Variants in NOL4L observed in about 807,000 individuals in gnomAD.
NOL4L encodes the protein nucleolar protein 4-like.
Under a neutral mutation model 64.5 loss-of-function variants are expected in NOL4L, and 7 were observed. The ratio of observed to expected loss-of-function variants is 0.11; its 90% CI spans 0.06 to 0.20. The LOEUF (loss-of-function observed/expected upper bound fraction) is 0.20, where lower values mean the gene tolerates loss of function less well. NOL4L is among the 10% of genes least tolerant of loss of function. NOL4L has a pLI of 1.00. For missense variants in NOL4L, 680 were observed against 967.1 expected (o/e 0.70, Z 3.94); for synonymous variants, 413 against 401.0 (o/e 1.03, Z -0.36).
At chr20:32,511,833 C>T (rs370883242) in intron 3 of NOL4L, among the ~76,000 whole-genome samples, 1 of 152,008 alleles carries the variant, frequency 6.6e-6, no homozygotes, top group Non-Finnish European at 1.5e-5. Context: ...AGGGAGATCT[C>T]GTCTTTACAA....
rs546548598 is a variant in NOL4L at position 32,464,475 on chromosome 20, G to C, written c.842-8080C>G. ...CCCTGTGGTTCACACAGCCTGGCCC[G>C]GCCCCAGCCACGGAGCAGGGAGCCC... On this transcript the variant is annotated intron_variant, in intron 5 of 10. Transcript: ENST00000621426. This position sits in a 1 kb window ranked among gnomAD's most constrained non-coding sequence, Gnocchi z 5.6. 2.0e-5 allele frequency among the ~76,000 whole-genome samples: 3 copies of C among 152,204 alleles called. No homozygotes were observed. Among genetic ancestry groups the C allele is most frequent in the Admixed American group, 6.5e-5 (1 of 15,292 alleles).
rs1231267861 is a variant in NOL4L, at chr20:32,494,279, AAAAC to A, written c.699+17064_699+17067del. Among the ~76,000 whole-genome samples the A allele has an allele frequency of 1.3e-3, 102 of 78,530 alleles. 11 individuals are homozygous for A. Among genetic ancestry groups the A allele is most frequent in the African/African-American group, 4.2e-3 (87 of 20,688 alleles). The allele number at this position is 78,530 out of a possible 152,430, so 51.5% of individuals were successfully genotyped here. On this transcript the variant is annotated intron_variant, in intron 4 of 10. Coordinates refer to ENST00000621426, the MANE Select transcript of NOL4L (RefSeq NM_001256798.2). ...AAAAAAAAAAAAAAAAAAAAAAAAA[AAAAC>A]ACACAACACACACACACACACAAAC...
intron 1 of NOL4L, among the ~76,000 whole-genome samples, chr20:32,562,887 C>T (rs199928053): frequency 9.0e-6 from 1 of 110,712 alleles, no homozygotes. Context: ...CTAAGGAGGG[C>T]AGGGAGGGTG....
intron 4 of NOL4L, among the ~76,000 whole-genome samples, chr20:32,485,293 C>T (rs2016041562): frequency 6.6e-6 from 1 of 152,112 alleles, no homozygotes; most frequent in Non-Finnish European, 1.5e-5. Flanking sequence ...CTGTAAAAAG[C>T]CTTTTTTCTT....
chr20:32,459,675 G>A (rs993626823), intron 5 of NOL4L, among the ~76,000 whole-genome samples: 4 of 152,112 alleles, frequency 2.6e-5, no homozygotes, highest in East Asian at 1.9e-4. Context: ...ATGGGCCACC[G>A]TGCCCAGCCT....
At chr20:32,450,723 G>C (rs2012807343) in intron 10 of NOL4L, among the ~76,000 whole-genome samples, 2 of 152,144 alleles carry the variant, frequency 1.3e-5, no homozygotes, top group Non-Finnish European at 2.9e-5. Context: ...GCTGCTAGGA[G>C]GGAGCAGGCC....
At chr20:32,500,132 G>C (rs80061974) in intron 4 of NOL4L, among the ~76,000 whole-genome samples, 13,224 of 152,234 alleles carry the variant, frequency 0.087, 752 homozygotes, top group Non-Finnish European at 0.13. Context: ...AAACATGTAT[G>C]CTTTTTGCTC....
intron 1 of NOL4L, among the ~76,000 whole-genome samples, chr20:32,561,400 C>CA (rs34029960): frequency 1.3e-5 from 2 of 152,144 alleles, no homozygotes; most frequent in Non-Finnish European, 1.5e-5. Context: ...GCTTCCCTGA[C>CA]AAAAAACGAG....
intron 1 of NOL4L, 108 bp downstream of exon 1, chr20:32,584,462 C>T (rs1305934949): frequency 1.1e-6 from 1 of 945,192 alleles, no homozygotes; most frequent in African/African-American, 1.7e-5. Context: ...ACACGGACAA[C>T]CTCAGGGACA....
At chr20:32,499,877 C>T (rs2016849784) in intron 4 of NOL4L, among the ~76,000 whole-genome samples, 1 of 150,844 alleles carries the variant, frequency 6.6e-6, no homozygotes, top group African/African-American at 2.4e-5. Context: ...ATAAAGTTTT[C>T]ACACTTAAAA....
chr20:32,483,409 G>C, intron 4 of NOL4L: 2 of 986,772 alleles, frequency 2.0e-6, no homozygotes, highest in Non-Finnish European at 2.4e-6. Context: ...CCGCGAGTGA[G>C]CGGGGCGGGC....
chr20:32,546,681 G>T (rs924538586), intron 1 of NOL4L, among the ~76,000 whole-genome samples: 1 of 152,074 alleles, frequency 6.6e-6, no homozygotes, highest in South Asian at 2.1e-4. Flanking sequence ...TGATCCACCC[G>T]GCTCAGCCTC....
intron 4 of NOL4L, among the ~76,000 whole-genome samples, chr20:32,488,174 C>A (rs2016174224): frequency 6.6e-6 from 1 of 152,172 alleles, no homozygotes; most frequent in African/African-American, 2.4e-5. Context: ...AAGTGATCCA[C>A]CCGCCTTGGC....
chr20:32,537,142 G>C, intron 1 of NOL4L: 1 of 983,964 alleles, frequency 1.0e-6, no homozygotes, highest in Non-Finnish European at 1.2e-6. Context: ...GGGAGCGCCC[G>C]CTATGTGCCA....
At chr20:32,454,590 C>G (rs1568598039) in intron 6 of NOL4L, among the ~76,000 whole-genome samples, 1 of 152,268 alleles carries the variant, frequency 6.6e-6, no homozygotes, top group Non-Finnish European at 1.5e-5. Flanking sequence ...TGGCTCAGCT[C>G]CCACACCACC....
chr20:32,521,479 G>A (rs938907909), intron 2 of NOL4L, among the ~76,000 whole-genome samples: 4 of 152,154 alleles, frequency 2.6e-5, no homozygotes, highest in African/African-American at 9.7e-5. Flanking sequence ...CCATGTTCCA[G>A]GCAACTATGG....
rs772319246 is a variant in NOL4L, at chr20:32,447,576, C to T, written c.*20G>A. On this transcript the variant is annotated 3_prime_UTR_variant, in exon 11 of 11. Transcript: ENST00000621426. ...GACAGCCTCCTTCCCTAGGGCAGTG[C>T]GCTCCAGGTGCCGGTGGGGTCAGTT... 2.3e-5 allele frequency: 37 copies of T among 1,577,972 alleles called. No individual in the cohort carries two copies. The highest frequency in any genetic ancestry group is 5.4e-5 in the African/African-American group (4 of 74,618).
At chr20:32,515,645 G>A (rs889632422) in intron 3 of NOL4L, among the ~76,000 whole-genome samples, 2 of 152,132 alleles carry the variant, frequency 1.3e-5, no homozygotes, top group Non-Finnish European at 2.9e-5. Flanking sequence ...AGGTGGAAAC[G>A]TGAACAAGGA....
intron 1 of NOL4L, among the ~76,000 whole-genome samples, chr20:32,575,905 G>A (rs1422837483): frequency 3.3e-5 from 5 of 152,208 alleles, no homozygotes; most frequent in Non-Finnish European, 7.3e-5. Context: ...AGGGAGAAGA[G>A]CTGGCCATGC....
Sources: gnomAD v4.1 joint callset for allele counts (sites outside exome capture counted in the v4.1 genomes callset) on GRCh38, gnomAD v4.1.1 for gene constraint, Gnocchi (gnomAD v3.1) non-coding constraint, MANE v1.5 for transcripts, NCBI Gene and HGNC (gene_info 2026-07-23, HGNC 2026-07-21) for gene names.